MAF: variants seen among roughly 807,000 people sequenced by gnomAD.
MAF encodes transcription factor Maf.
A neutral mutation model predicts 22.0 loss-of-function variants in MAF; 10 were observed. The observed-to-expected ratio is 0.45, with a 90% CI of 0.28 to 0.77. MAF has a LOEUF of 0.77. Among genes scored for constraint, MAF ranks in the 30% least tolerant of loss-of-function variants. MAF has a pLI of 0.12. For synonymous variants in MAF, 337 were observed against 255.8 expected (o/e 1.32, Z -3.03); for missense variants, 544 against 548.4 (o/e 0.99, Z 0.08).
the MAF span, among the ~76,000 whole-genome samples, chr16:79,572,097 T>C: frequency 6.6e-6 from 1 of 152,266 alleles, no homozygotes; most frequent in East Asian, 1.9e-4. Context: ...TCTAAGCTGC[T>C]GCTAAAGCTT....
At chr16:79,529,468 C>T in the MAF span, among the ~76,000 whole-genome samples, 2 of 152,128 alleles carry the variant, frequency 1.3e-5, no homozygotes, top group Non-Finnish European at 2.9e-5. Flanking sequence ...TTAGTAACTT[C>T]CTGTGAATCT....
the MAF span, among the ~76,000 whole-genome samples, chr16:79,579,672 G>A: frequency 2.0e-5 from 3 of 152,158 alleles, no homozygotes; most frequent in Admixed American, 1.3e-4. Flanking sequence ...TGCATTCTCC[G>A]AATAACTGCC....
chr16:79,554,815 G>A, the MAF span, among the ~76,000 whole-genome samples: 1 of 152,148 alleles, frequency 6.6e-6, no homozygotes, highest in Admixed American at 6.5e-5. Flanking sequence ...GTTTCTCATG[G>A]CCTCTCTGTC....
chr16:79,450,172 G>A, the MAF span, among the ~76,000 whole-genome samples: 4 of 152,306 alleles, frequency 2.6e-5, no homozygotes, highest in East Asian at 1.9e-4. Flanking sequence ...GCAGAGTAAC[G>A]AGTAAAGTGT....
chr16:79,410,496 A>T, the MAF span, among the ~76,000 whole-genome samples: 4,385 of 152,300 alleles, frequency 0.029, 132 homozygotes, highest in African/African-American at 0.071. Context: ...TGGTCCACAG[A>T]TAATTAGTGT....
the MAF span, chr16:79,212,063 G>A: frequency 6.5e-7 from 1 of 1,536,428 alleles, no homozygotes; most frequent in East Asian, 2.4e-5. Flanking sequence ...AACCTGCTTG[G>A]TGTGTAGGTT....
At chr16:79,418,832 G>A in the MAF span, among the ~76,000 whole-genome samples, 4 of 152,110 alleles carry the variant, frequency 2.6e-5, no homozygotes, top group Non-Finnish European at 4.4e-5. Context: ...GCTCCTCACC[G>A]CATGGTTGGG....
At chr16:79,453,527 G>A in the MAF span, among the ~76,000 whole-genome samples, 1 of 152,050 alleles carries the variant, frequency 6.6e-6, no homozygotes, top group African/African-American at 2.4e-5. Flanking sequence ...CACTACTATT[G>A]GCAATCACCT....
At chr16:79,503,630 C>A in the MAF span, among the ~76,000 whole-genome samples, 1 of 152,138 alleles carries the variant, frequency 6.6e-6, no homozygotes, top group African/African-American at 2.4e-5. Context: ...AACTCCTGTT[C>A]ATCTTTGCCT....
chr16:79,575,213 G>A, the MAF span, among the ~76,000 whole-genome samples: 2 of 151,950 alleles, frequency 1.3e-5, no homozygotes, highest in Non-Finnish European at 2.9e-5. Context: ...CTCAGTACAA[G>A]TTTCCCTCTC....
chr16:79,472,624 G>A, the MAF span, among the ~76,000 whole-genome samples: 1 of 152,106 alleles, frequency 6.6e-6, no homozygotes, highest in Non-Finnish European at 1.5e-5. Context: ...AGGCAGAGAA[G>A]AAATGGGGAG....
At position 79,594,126 on chromosome 16, in the gene MAF, C is replaced by A; in HGVS notation, c.*334G>T. 3.2e-6 allele frequency: 1 copy of A among 310,462 alleles called. No individual in the cohort carries two copies. The allele number at this position is 310,462 out of a possible 1,614,324, so 19.2% of individuals were successfully genotyped here. A position where few individuals can be genotyped will look rare whatever the true frequency, so the allele number is the denominator to read the frequency against. ...TATGATTTTAAAATGCTAATTGTTG[C>A]ATTCCGGGAAACTTTCCATTATATA... On this transcript the variant is annotated 3_prime_UTR_variant, in exon 2 of 2. Coordinates refer to ENST00000326043, the MANE Select transcript of MAF (RefSeq NM_005360.5).
the MAF span, among the ~76,000 whole-genome samples, chr16:79,315,772 G>C: frequency 3.3e-5 from 5 of 152,208 alleles, no homozygotes; most frequent in Non-Finnish European, 4.4e-5. Context: ...TTAAAATCCA[G>C]AGCTGTCCTA....
chr16:79,488,459 T>A, the MAF span, among the ~76,000 whole-genome samples: 1 of 152,082 alleles, frequency 6.6e-6, no homozygotes, highest in African/African-American at 2.4e-5. Flanking sequence ...GGAGCCCACA[T>A]AATCACTCTA....
the MAF span, among the ~76,000 whole-genome samples, chr16:79,465,477 C>T: frequency 2.0e-5 from 3 of 152,136 alleles, no homozygotes; most frequent in South Asian, 4.2e-4. Context: ...CCTGTAGTCC[C>T]GGCTACTCGG....
chr16:79,566,390 C>A, the MAF span, among the ~76,000 whole-genome samples: 6 of 152,156 alleles, frequency 3.9e-5, no homozygotes, highest in African/African-American at 7.2e-5. Flanking sequence ...GGAGTGGGGA[C>A]TGTACTGCAA....
the MAF span, among the ~76,000 whole-genome samples, chr16:79,467,011 C>G: frequency 6.6e-6 from 1 of 152,174 alleles, no homozygotes; most frequent in Non-Finnish European, 1.5e-5. Flanking sequence ...CTCCTGGCCG[C>G]CTCCAAGCCA....
chr16:79,468,698 C>A, the MAF span, among the ~76,000 whole-genome samples: 1 of 152,108 alleles, frequency 6.6e-6, no homozygotes, highest in East Asian at 1.9e-4. Context: ...AACGTGGCCC[C>A]CATGCCTGGG....
At chr16:79,328,973 C>T in the MAF span, among the ~76,000 whole-genome samples, 1 of 152,162 alleles carries the variant, frequency 6.6e-6, no homozygotes, top group East Asian at 1.9e-4. Context: ...CTGTCTTTAG[C>T]TCTTCCTAAT....
Sources: allele counts gnomAD v4.1 joint callset (sites outside exome capture counted in the v4.1 genomes callset), GRCh38; gene constraint gnomAD v4.1.1; transcripts MANE v1.5; gene names NCBI Gene and HGNC (gene_info 2026-07-23, HGNC 2026-07-21).